Variants in FGGY observed in about 807,000 individuals in gnomAD.
FGGY encodes the protein FGGY carbohydrate kinase domain-containing protein.
A neutral mutation model predicts 71.3 loss-of-function variants in FGGY; 72 were observed. The observed-to-expected ratio is 1.01, with a 90% CI of 0.84 to 1.23. The LOEUF (loss-of-function observed/expected upper bound fraction) is 1.23, where lower values mean the gene tolerates loss of function less well. Among genes scored for constraint, FGGY ranks in the 50% most tolerant of loss-of-function variants. FGGY has a pLI of 0.00. For missense variants in FGGY, 668 were observed against 682.3 expected, an observed-to-expected ratio of 0.98 and a Z score of 0.23; for synonymous variants, 251 against 250.3, an observed-to-expected ratio of 1.00 and a Z score of -0.02.
chr1:59,606,556 T>G (rs2096625763), intron 8 of FGGY, among the ~76,000 whole-genome samples: 1 of 152,194 alleles, frequency 6.6e-6, no homozygotes, highest in Non-Finnish European at 1.5e-5. Context: ...CAGGACTGTT[T>G]AAACTGATTT....
At chr1:59,758,220 A>C (rs1010209219) in intron 15 of FGGY, among the ~76,000 whole-genome samples, 3 of 152,192 alleles carry the variant, frequency 2.0e-5, no homozygotes, top group African/African-American at 7.2e-5. Flanking sequence ...CTCTCAGACC[A>C]ATGTTCTTTT....
intron 14 of FGGY, among the ~76,000 whole-genome samples, chr1:59,692,836 C>T (rs1270156125): frequency 6.6e-6 from 1 of 152,146 alleles, no homozygotes; most frequent in East Asian, 1.9e-4. Context: ...CTGTAAACCT[C>T]TCTCCTCTCC....
intron 5 of FGGY, among the ~76,000 whole-genome samples, chr1:59,389,025 G>A (rs752971064): frequency 6.6e-6 from 1 of 152,000 alleles, no homozygotes; most frequent in Non-Finnish European, 1.5e-5. Flanking sequence ...TTGGCTCACT[G>A]CAACCTCTGC....
intron 8 of FGGY, among the ~76,000 whole-genome samples, chr1:59,559,334 A>G (rs879307402): frequency 1.6e-4 from 25 of 152,224 alleles, no homozygotes; most frequent in Admixed American, 6.5e-4. Flanking sequence ...CCATATTAAA[A>G]TGAAATCTTC....
intron 4 of FGGY, among the ~76,000 whole-genome samples, chr1:59,376,232 A>G (rs1336720372): frequency 6.6e-6 from 1 of 152,212 alleles, no homozygotes; most frequent in Non-Finnish European, 1.5e-5. Flanking sequence ...GCTTGATTTA[A>G]CATTAACATC....
intron 8 of FGGY, among the ~76,000 whole-genome samples, chr1:59,586,000 A>AAAGT (rs1177262156): frequency 6.6e-6 from 1 of 151,694 alleles, no homozygotes; most frequent in African/African-American, 2.4e-5. Flanking sequence ...CAATCATTAA[A>AAAGT]CAGGAAACAA....
intron 7 of FGGY, among the ~76,000 whole-genome samples, chr1:59,516,256 G>T (rs1270576948): frequency 2.0e-5 from 3 of 152,146 alleles, no homozygotes; most frequent in Admixed American, 2.0e-4. Context: ...TGAAAATCTT[G>T]AAAAGGTTGT....
intron 8 of FGGY, among the ~76,000 whole-genome samples, chr1:59,597,971 A>G (rs115728408): frequency 1.2e-3 from 189 of 152,360 alleles, no homozygotes; most frequent in African/African-American, 4.4e-3. Context: ...TGTCAGAGCA[A>G]CAGAGCTAAG....
At chr1:59,383,505 A>C (rs1489877360) in intron 5 of FGGY, among the ~76,000 whole-genome samples, 1 of 152,184 alleles carries the variant, frequency 6.6e-6, no homozygotes, top group East Asian at 1.9e-4. Flanking sequence ...CTGAAAAACC[A>C]GTTCAGGCCA....
intron 14 of FGGY, among the ~76,000 whole-genome samples, chr1:59,753,918 CT>C: frequency 6.6e-6 from 1 of 152,164 alleles, no homozygotes; most frequent in South Asian, 2.1e-4. Flanking sequence ...ATAATATAAC[CT>C]TTATGGTCCT....
At chr1:59,394,581 T>G (rs1433694260) in intron 5 of FGGY, among the ~76,000 whole-genome samples, 2 of 152,204 alleles carry the variant, frequency 1.3e-5, no homozygotes, top group Non-Finnish European at 2.9e-5. Flanking sequence ...GGACTCAACA[T>G]TAGCTATTCC....
chr1:59,391,513 G>C (rs1189368920), intron 5 of FGGY, among the ~76,000 whole-genome samples: 1 of 152,182 alleles, frequency 6.6e-6, no homozygotes, highest in African/African-American at 2.4e-5. Flanking sequence ...GGAAGGTTGA[G>C]GTTGCTTCTT....
intron 5 of FGGY, among the ~76,000 whole-genome samples, chr1:59,389,334 G>A (rs555501786): frequency 1.1e-4 from 16 of 152,200 alleles, no homozygotes; most frequent in African/African-American, 3.6e-4. Flanking sequence ...TTATCCTTTT[G>A]CGTCTGGCAT....
chr1:59,324,987 A>G (rs1557548562), intron 2 of FGGY, among the ~76,000 whole-genome samples: 1 of 152,232 alleles, frequency 6.6e-6, no homozygotes, highest in East Asian at 1.9e-4. Flanking sequence ...TAAATGAATG[A>G]TATATCTCTG....
chr1:59,620,056 G>T (rs953922074), intron 9 of FGGY, among the ~76,000 whole-genome samples: 1 of 152,020 alleles, frequency 6.6e-6, no homozygotes, highest in South Asian at 2.1e-4. Context: ...CTATTAATGG[G>T]TGAAGGTGGA....
chr1:59,333,295 G>A (rs890916725), intron 2 of FGGY, among the ~76,000 whole-genome samples: 7 of 152,214 alleles, frequency 4.6e-5, no homozygotes, highest in African/African-American at 1.4e-4. Flanking sequence ...GGGCCACATA[G>A]CAAGTAGAAG....
intron 6 of FGGY, among the ~76,000 whole-genome samples, chr1:59,470,689 G>T (rs1487754392): frequency 6.6e-6 from 1 of 152,216 alleles, no homozygotes; most frequent in Non-Finnish European, 1.5e-5. Flanking sequence ...ATTATGTCCA[G>T]TGCTGGAAGC....
intron 14 of FGGY, among the ~76,000 whole-genome samples, chr1:59,726,559 C>T (rs72668017): frequency 0.084 from 12,833 of 152,044 alleles, 593 homozygotes; most frequent in Middle Eastern, 0.17. Context: ...TTGGGCCTGG[C>T]ACTTTGGTTT....
intron 7 of FGGY, among the ~76,000 whole-genome samples, chr1:59,530,743 T>A (rs2095120010): frequency 6.6e-6 from 1 of 152,182 alleles, no homozygotes; most frequent in East Asian, 1.9e-4. Flanking sequence ...GGTACCCCTT[T>A]GGCTGCAGAA....
Sources: gnomAD v4.1 joint callset for allele counts (sites outside exome capture counted in the v4.1 genomes callset) on GRCh38, gnomAD v4.1.1 for gene constraint, MANE v1.5 for transcripts, NCBI Gene and HGNC (gene_info 2026-07-23, HGNC 2026-07-21) for gene names.